Variants in CFAP58 observed in about 807,000 individuals in gnomAD.
The protein encoded by CFAP58 is cilia and flagella associated protein 58, also known as cilia- and flagella-associated protein 58.
Under a neutral mutation model 119.5 loss-of-function variants are expected in CFAP58, and 88 were observed. The ratio of observed to expected loss-of-function variants is 0.74; its 90% CI spans 0.62 to 0.88. The LOEUF is 0.88. Ranked by LOEUF, CFAP58 falls within the 40% of genes least tolerant of loss-of-function variation. The pLI, the probability that CFAP58 is intolerant of heterozygous loss-of-function variation, is 0.00. For synonymous variants in CFAP58, 365 were observed against 366.3 expected (o/e 1.00, Z 0.04); for missense variants, 990 against 1,021.2 (o/e 0.97, Z 0.42).
At chr10:104,358,044 C>T (rs961327668) in intron 1 of CFAP58, among the ~76,000 whole-genome samples, 5 of 136,126 alleles carry the variant, frequency 3.7e-5, no homozygotes, top group East Asian at 2.3e-4. Flanking sequence ...TGTACATATA[C>T]ACACATATAT....
At chr10:104,396,243 T>C (rs1267634971) in intron 11 of CFAP58, among the ~76,000 whole-genome samples, 1 of 152,136 alleles carries the variant, frequency 6.6e-6, no homozygotes, top group East Asian at 1.9e-4. Context: ...TGATTCTTGG[T>C]GAATAATTCA....
At chr10:104,348,432 G>A in the CFAP58 span, among the ~76,000 whole-genome samples, 1 of 152,222 alleles carries the variant, frequency 6.6e-6, no homozygotes, top group African/African-American at 2.4e-5. Context: ...GAAGTTCTAA[G>A]AGGCGATTCT....
intron 14 of CFAP58, among the ~76,000 whole-genome samples, 171 bp downstream of exon 14, chr10:104,404,011 G>A (rs917328537): frequency 2.6e-5 from 4 of 152,222 alleles, no homozygotes; most frequent in African/African-American, 7.2e-5. Flanking sequence ...GAACCAGATG[G>A]TTCATTTGGG....
intron 15 of CFAP58, among the ~76,000 whole-genome samples, chr10:104,416,083 C>T (rs2012548087): frequency 6.6e-6 from 1 of 152,146 alleles, no homozygotes; most frequent in South Asian, 2.1e-4. Context: ...AACTTGACCT[C>T]CTAGACTGAT....
rs866631220 is a variant in CFAP58 at position 104,438,355 on chromosome 10, T to G, written c.2257-9343T>G. ...TTTTGTTTTTTGTTTTTTGTTTTTT[T>G]TTTTTGTTTTTTTTTTTTGTTTTTT... On this transcript the variant is annotated intron_variant, in intron 15 of 17. Coordinates refer to ENST00000369704, the MANE Select transcript of CFAP58 (RefSeq NM_001008723.2). Among the ~76,000 whole-genome samples, 103 of 38,836 alleles carry G rather than the reference T, an allele frequency of 2.7e-3. 1 individual carries two copies. Among genetic ancestry groups the G allele is most frequent in the African/African-American group, 0.013 (92 of 7,272 alleles). The allele number at this position is 38,836 out of a possible 152,430, so 25.5% of individuals were successfully genotyped here.
At chr10:104,437,567 A>G (rs2012955172) in intron 15 of CFAP58, among the ~76,000 whole-genome samples, 1 of 152,242 alleles carries the variant, frequency 6.6e-6, no homozygotes, top group Admixed American at 6.5e-5. Context: ...GTTAGATACC[A>G]TGAAGTCAAT....
rs141645552 is a variant in CFAP58 at position 104,400,301 on chromosome 10, T to C, written c.1816-379T>C. On this transcript the variant is annotated intron_variant, in intron 12 of 17. Transcript: ENST00000369704. Reference sequence around the variant, plus strand: ...AGCTGGGACTACAGACATGTGCCACTGCACCTGGCTAATTTTTATATTTTT... The same window carrying C: ...AGCTGGGACTACAGACATGTGCCACCGCACCTGGCTAATTTTTATATTTTT... Among the ~76,000 whole-genome samples, 975 of 152,158 alleles carry C rather than the reference T, an allele frequency of 6.4e-3. 12 individuals carry two copies. Among genetic ancestry groups the C allele is most frequent in the African/African-American group, 0.022 (927 of 41,514 alleles).
rs546846532 is a variant in CFAP58 at position 104,377,860 on chromosome 10, A to G, written c.1173+967A>G. On this transcript the variant is annotated intron_variant, in intron 8 of 17. Transcript: ENST00000369704. ...AAGCACTTTTAAAGAAAATCATTGA[A>G]GTGTTTTTTCTTCTTGGACAATCTT... Among the ~76,000 whole-genome samples, 147 of 152,340 alleles carry G rather than the reference A, an allele frequency of 9.6e-4. 5 individuals are homozygous for G. Among genetic ancestry groups the G allele is most frequent in the South Asian group, 1.2e-3 (6 of 4,832 alleles).
intron 1 of CFAP58, among the ~76,000 whole-genome samples, chr10:104,357,898 T>C (rs546405742): frequency 2.6e-5 from 3 of 116,868 alleles, no homozygotes; most frequent in African/African-American, 4.5e-5. Flanking sequence ...TAAACATATA[T>C]GTACACATAT....
At chr10:104,441,250 G>A (rs2013032559) in intron 15 of CFAP58, among the ~76,000 whole-genome samples, 1 of 152,222 alleles carries the variant, frequency 6.6e-6, no homozygotes, top group African/African-American at 2.4e-5. Context: ...TGATTTGCCT[G>A]CATCGGCCTC....
In CFAP58 at chr10:104,447,635, A is replaced by T. The variant is rs927389831; in HGVS notation, c.2257-63A>T. 4 of 1,592,922 alleles carry T rather than the reference A, an allele frequency of 2.5e-6. No individual in the cohort carries two copies. In the African/African-American group the frequency reaches 5.4e-5, roughly 21 times the overall value. On this transcript the variant is annotated intron_variant, in intron 15 of 17. Transcript: ENST00000369704. The stretch of plus-strand genomic sequence containing the variant: ...CCCAAATTGTGCTGGCCATGCAGTG[A>T]AAGGCATTTTCCCTGTTTTGACGGG...
chr10:104,361,127 A>T (rs914170384), intron 2 of CFAP58, among the ~76,000 whole-genome samples: 1 of 152,170 alleles, frequency 6.6e-6, no homozygotes, highest in Non-Finnish European at 1.5e-5. Context: ...AGGGACATAC[A>T]TCCAAATTAT....
At chr10:104,357,978 C>CACATATATACACAT (rs1326139470) in intron 1 of CFAP58, among the ~76,000 whole-genome samples, 1 of 139,576 alleles carries the variant, frequency 7.2e-6, no homozygotes, top group Non-Finnish European at 1.5e-5. Context: ...CACATATGTA[C>CACATATATACACAT]ATATGTACAC....
rs773802661 is a variant in CFAP58, at chr10:104,371,005, C to T, written c.1041C>T (p.Val347=). 2.5e-5 allele frequency: 40 copies of T among 1,613,214 alleles called. No homozygotes were observed. The highest frequency in any genetic ancestry group is 3.1e-5 in the Non-Finnish European group (37 of 1,179,764). The change falls in exon 7 of 18, where the codon GTC becomes GTT. Residue 347 remains valine, a synonymous_variant. Transcript: ENST00000369704. The part of the protein sequence containing the change: ...LHHTEDQKAE[V]EQHKETLKNQ... ...ACACCGAAGATCAAAAGGCAGAAGTCGAACAGCACAAAGAAACCCTAAAAA... is the reference window on the plus strand; with the variant it reads ...ACACCGAAGATCAAAAGGCAGAAGTTGAACAGCACAAAGAAACCCTAAAAA...
intron 6 of CFAP58, among the ~76,000 whole-genome samples, chr10:104,370,653 A>T (rs1211850791): frequency 2.6e-5 from 4 of 152,178 alleles, no homozygotes; most frequent in Admixed American, 6.6e-5. Flanking sequence ...TTGAAACAAA[A>T]TTTTTCAGTG....
intron 15 of CFAP58, among the ~76,000 whole-genome samples, chr10:104,413,124 C>A (rs2133057778): frequency 6.6e-6 from 1 of 152,346 alleles, no homozygotes; most frequent in South Asian, 2.1e-4. Context: ...ATTTGTCTAG[C>A]AACTTATTAA....
rs545873888 is a variant in CFAP58, at chr10:104,371,587, G to T, written c.1090+533G>T. The stretch of plus-strand genomic sequence containing the variant: ...TTTAAGTGCCACAGGGAGGTACAGA[G>T]AAATCAGTAAGGACACAAACCCTGG... On this transcript the variant is annotated intron_variant, in intron 7 of 17. Coordinates refer to ENST00000369704, the MANE Select transcript of CFAP58 (RefSeq NM_001008723.2). Among the ~76,000 whole-genome samples the T allele has an allele frequency of 3.3e-5, 5 of 152,302 alleles. No individual in the cohort carries two copies. In the South Asian group the frequency reaches 1.0e-3, roughly 32 times the overall value.
intron 11 of CFAP58, among the ~76,000 whole-genome samples, chr10:104,395,405 G>T (rs2012130171): frequency 6.6e-6 from 1 of 152,196 alleles, no homozygotes; most frequent in Non-Finnish European, 1.5e-5. Context: ...TCGATTATAG[G>T]AAGATGATTG....
intron 15 of CFAP58, among the ~76,000 whole-genome samples, chr10:104,426,051 G>A (rs181381388): frequency 6.0e-4 from 91 of 152,210 alleles, no homozygotes; most frequent in Non-Finnish European, 1.1e-3. Flanking sequence ...GGGCAACATG[G>A]CAAAAACCTG....
Sources: allele counts gnomAD v4.1 joint callset (sites outside exome capture counted in the v4.1 genomes callset), GRCh38; gene constraint gnomAD v4.1.1; transcripts MANE v1.5; gene names NCBI Gene and HGNC (gene_info 2026-07-23, HGNC 2026-07-21).